The following C1orf87 variants were observed in gnomAD, a reference collection of about 807,000 sequenced individuals.
C1orf87 encodes the protein uncharacterized protein C1orf87.
A neutral mutation model predicts 60.5 loss-of-function variants in C1orf87; 58 were observed. The ratio of observed to expected loss-of-function variants is 0.96; its 90% CI spans 0.78 to 1.19. C1orf87 has a LOEUF of 1.19. Ranked by LOEUF, C1orf87 falls within the 50% of genes most tolerant of loss-of-function variation. C1orf87 has a pLI of 0.00. For missense variants in C1orf87, 673 were observed against 638.6 expected (o/e 1.05, Z -0.58); for synonymous variants, 236 against 227.4 (o/e 1.04, Z -0.34).
chr1:60,006,834 C>T (rs1035259460), intron 9 of C1orf87, among the ~76,000 whole-genome samples: 7 of 151,946 alleles, frequency 4.6e-5, no homozygotes, highest in Non-Finnish European at 1.0e-4. Flanking sequence ...TCAACTTCAT[C>T]TTTATTCTCT....
intron 6 of C1orf87, among the ~76,000 whole-genome samples, chr1:60,037,164 G>A (rs550014002): frequency 1.3e-5 from 2 of 152,304 alleles, no homozygotes; most frequent in South Asian, 4.1e-4. Flanking sequence ...TGAGGTGTTT[G>A]AGTGAATGCC....
At chr1:60,053,467 T>C (rs1645428935) in intron 3 of C1orf87, among the ~76,000 whole-genome samples, 1 of 152,206 alleles carries the variant, frequency 6.6e-6, no homozygotes, top group Non-Finnish European at 1.5e-5. Context: ...CTCAGAATAC[T>C]GCCTGGCACA....
intron 3 of C1orf87, among the ~76,000 whole-genome samples, chr1:60,053,080 C>T (rs964962215): frequency 6.6e-6 from 1 of 152,210 alleles, no homozygotes. Flanking sequence ...TTAAGAACAG[C>T]TTACCTAATG....
At chr1:60,064,036 G>C (rs1039207152) in intron 2 of C1orf87, among the ~76,000 whole-genome samples, 5 of 151,820 alleles carry the variant, frequency 3.3e-5, no homozygotes, top group African/African-American at 9.7e-5. Context: ...ATAGAATATA[G>C]AGCAGGCAGA....
At chr1:60,003,269 A>G (rs1296538400) in intron 9 of C1orf87, among the ~76,000 whole-genome samples, 1 of 140,256 alleles carries the variant, frequency 7.1e-6, no homozygotes, top group Admixed American at 7.6e-5. Context: ...GGAATTGAAC[A>G]ATGAGATCAC....
At chr1:60,037,407 T>A (rs1332197820) in intron 6 of C1orf87, among the ~76,000 whole-genome samples, 1 of 152,218 alleles carries the variant, frequency 6.6e-6, no homozygotes, top group East Asian at 1.9e-4. Context: ...GATATTTTAT[T>A]TCTTCAGTTC....
chr1:60,006,069 T>G (rs191646025), intron 9 of C1orf87, among the ~76,000 whole-genome samples: 1 of 152,190 alleles, frequency 6.6e-6, no homozygotes. Context: ...CTACAGTTTC[T>G]TAGATAGTAA....
intron 5 of C1orf87, among the ~76,000 whole-genome samples, chr1:60,039,276 T>G (rs1446624497): frequency 2.6e-5 from 4 of 152,216 alleles, no homozygotes; most frequent in African/African-American, 4.8e-5. Context: ...TTATTGCTAT[T>G]ATTTCTTCCT....
At chr1:60,067,509 G>A (rs946362838) in intron 2 of C1orf87, among the ~76,000 whole-genome samples, 2 of 138,178 alleles carry the variant, frequency 1.4e-5, no homozygotes, top group South Asian at 4.6e-4. Flanking sequence ...CCACATAAAT[G>A]TCTTCTTTTG....
intron 11 of C1orf87, among the ~76,000 whole-genome samples, chr1:59,993,688 C>G (rs752280020): frequency 6.6e-6 from 1 of 151,128 alleles, no homozygotes; most frequent in Non-Finnish European, 1.5e-5. Flanking sequence ...ATAGCCCTTA[C>G]AATCCATCTT....
chr1:59,997,390 G>A (rs907569515), intron 11 of C1orf87, among the ~76,000 whole-genome samples: 6 of 152,140 alleles, frequency 3.9e-5, no homozygotes, highest in Non-Finnish European at 7.4e-5. Context: ...GCAGTAGGGT[G>A]CAGGAAGTAT....
At position 60,067,674 on chromosome 1, in the gene C1orf87, C is replaced by T. The variant is rs867001342; in HGVS notation, c.107+4863G>A. The stretch of plus-strand genomic sequence containing the variant: ...AAATTTTCTCCCTTTCTGTAGGTTG[C>T]CTGTTCACTCTGATGATAGTTTCGT... On this transcript the variant is annotated intron_variant, in intron 2 of 11. Transcript: ENST00000371201. Among the ~76,000 whole-genome samples the T allele has an allele frequency of 3.3e-5, 5 of 149,870 alleles. 1 individual carries two copies. In the Middle Eastern group the frequency reaches 0.011, roughly 317 times the overall value.
At chr1:60,029,278 C>T (rs1645220168) in intron 7 of C1orf87, among the ~76,000 whole-genome samples, 2 of 152,148 alleles carry the variant, frequency 1.3e-5, no homozygotes, top group South Asian at 2.1e-4. Context: ...ACTGCCTTGG[C>T]TTAAACCCTC....
rs1371160530 is a variant in C1orf87 at position 60,065,003 on chromosome 1, T to TTAATATATATA, written c.107+7533_107+7534insTATATATATTA. 9.9e-4 allele frequency among the ~76,000 whole-genome samples: 63 copies of TTAATATATATA among 63,880 alleles called. 1 individual carries two copies. Among genetic ancestry groups the TTAATATATATA allele is most frequent in the African/African-American group, 3.6e-3 (61 of 16,930 alleles). 41.9% of individuals were successfully genotyped at this position (63,880 alleles called of 152,430 possible). A position where few individuals can be genotyped will look rare whatever the true frequency, so the allele number is the denominator to read the frequency against. On this transcript the variant is annotated intron_variant, in intron 2 of 11. Transcript: ENST00000371201. The stretch of plus-strand genomic sequence containing the variant: ...TTTATTATAAAATACATATAAATAT[T>TTAATATATATA]AAATATATATTAAATATATATATTT...
intron 9 of C1orf87, among the ~76,000 whole-genome samples, chr1:60,003,627 A>G (rs116175801): frequency 1.1e-4 from 17 of 152,236 alleles, no homozygotes; most frequent in Non-Finnish European, 2.5e-4. Context: ...ATGGAATTTT[A>G]GCATCAAACT....
chr1:60,026,926 C>G (rs1324484282), intron 7 of C1orf87, among the ~76,000 whole-genome samples: 1 of 152,116 alleles, frequency 6.6e-6, no homozygotes, highest in Non-Finnish European at 1.5e-5. Flanking sequence ...AAGTGATATA[C>G]AAAACATAAA....
chr1:60,055,435 C>T lies in C1orf87; in HGVS notation c.111G>A (p.Lys37=), dbSNP rs747759704. 2 of 1,613,524 alleles carry T rather than the reference C, an allele frequency of 1.2e-6. No homozygotes were observed. The highest frequency in any genetic ancestry group is 3.3e-5 in the Admixed American group (2 of 60,026). The change falls in exon 3 of 12, where the codon AAG becomes AAA. Residue 37 remains lysine, a synonymous_variant. Coordinates refer to ENST00000371201, the MANE Select transcript of C1orf87 (RefSeq NM_152377.3). ...TTTCTGTTTTCAAGCTGTCATTCTC[C>T]TTGCTGTGAAGAAAGAATTGTATAC... The part of the protein sequence containing the change: ...FQYLVEKPKI[K]ENDSLKTETQ...
At position 60,010,415 on chromosome 1, in the gene C1orf87, T is replaced by A. The variant is rs769191754; in HGVS notation, c.1169A>T (p.Asp390Val). 1 of 1,612,300 alleles carries A rather than the reference T, an allele frequency of 6.2e-7. No individual in the cohort carries two copies. ...ACCTGTAGGCAAATCAGATAACAAA[T>A]CAGAAGAAGCTCTGGTCAGCATCTC... Reference protein sequence around the residue: ...FVEMLTRASSDLLSDLPTGKN... With the variant: ...FVEMLTRASSVLLSDLPTGKN... Residue 390 changes from aspartate to valine, a missense_variant, in exon 9 of 12, where the codon GAT (aspartate) becomes GTT (valine). By Grantham distance (152) the Asp-to-Val change is radical. Transcript: ENST00000371201.
chr1:60,039,116 G>A (rs1032433652), intron 5 of C1orf87, among the ~76,000 whole-genome samples: 2 of 152,196 alleles, frequency 1.3e-5, no homozygotes, highest in Non-Finnish European at 2.9e-5. Context: ...TTTTCTGGAT[G>A]AGATCATTGA....
Sources: gnomAD v4.1 joint callset for allele counts (sites outside exome capture counted in the v4.1 genomes callset) on GRCh38, gnomAD v4.1.1 for gene constraint, MANE v1.5 for transcripts, NCBI Gene and HGNC (gene_info 2026-07-23, HGNC 2026-07-21) for gene names.